Variants in CDC25C observed in about 807,000 individuals in gnomAD.
The protein encoded by CDC25C is M-phase inducer phosphatase 3.
Under a neutral mutation model 52.5 loss-of-function variants are expected in CDC25C, and 48 were observed. The ratio of observed to expected loss-of-function variants is 0.91; its 90% CI spans 0.72 to 1.16. The LOEUF (loss-of-function observed/expected upper bound fraction) is 1.16. Among genes scored for constraint, CDC25C ranks in the 50% most tolerant of loss-of-function variants. The probability of loss-of-function intolerance (pLI) is 0.00; values close to 1 mark genes in which losing one functional copy is unlikely to be tolerated. For missense variants in CDC25C, 510 were observed against 566.1 expected (o/e 0.90, Z 1.01); for synonymous variants, 187 against 206.5 (o/e 0.91, Z 0.81).
At chr5:138,290,988 G>A (rs1488050041) in intron 8 of CDC25C, among the ~76,000 whole-genome samples, 2 of 151,966 alleles carry the variant, frequency 1.3e-5, no homozygotes, top group Non-Finnish European at 2.9e-5. Context: ...AATAAATATT[G>A]AGGCTGCAGT....
intron 7 of CDC25C, among the ~76,000 whole-genome samples, chr5:138,317,682 T>TAAAAAAAAAAA (rs70982706): frequency 1.8e-5 from 1 of 54,264 alleles, no homozygotes; most frequent in African/African-American, 7.7e-5. Context: ...CCTGTCTATC[T>TAAAAAAAAAAA]AAAAAAAAAA....
At chr5:138,327,058 C>T (rs1265413283) in intron 4 of CDC25C, among the ~76,000 whole-genome samples, 1 of 151,044 alleles carries the variant, frequency 6.6e-6, no homozygotes, top group African/African-American at 2.4e-5. Flanking sequence ...AGATAGAGAC[C>T]GTCCTGGCCA....
intron 11 of CDC25C, 54 bp downstream of exon 11, chr5:138,287,115 C>T (rs1199649850): frequency 2.1e-5 from 26 of 1,224,942 alleles, no homozygotes; most frequent in Middle Eastern, 1.9e-4. Context: ...AGACTCTTCT[C>T]AATAAAGAGT....
rs925873042 is a variant in CDC25C at position 138,331,193 on chromosome 5, C to T, written c.-13G>A. 3 of 1,613,626 alleles carry T rather than the reference C, an allele frequency of 1.9e-6. No individual in the cohort carries two copies. Among genetic ancestry groups the T allele is most frequent in the Non-Finnish European group, 1.7e-6 (2 of 1,179,612 alleles). ...GTTCCGTAGACATGGTCTTCGAATT[C>T]TCACCAGGAGAAAAACAAAACCTAG... On this transcript the variant is annotated 5_prime_UTR_variant, in exon 2 of 14. Transcript: ENST00000323760.
At chr5:138,327,564 G>A (rs1168196446) in intron 4 of CDC25C, among the ~76,000 whole-genome samples, 1 of 151,810 alleles carries the variant, frequency 6.6e-6, no homozygotes, top group Non-Finnish European at 1.5e-5. Context: ...TGAACCCAGG[G>A]AGGCAGAGGT....
intron 9 of CDC25C, 92 bp downstream of exon 9, chr5:138,290,547 A>G (rs1756621277): frequency 1.3e-6 from 1 of 744,846 alleles, no homozygotes; most frequent in Admixed American, 1.9e-5. Flanking sequence ...CTTGGTGAGG[A>G]TGCATATTTA....
chr5:138,301,129 G>A (rs1419765874), intron 7 of CDC25C, among the ~76,000 whole-genome samples: 1 of 152,014 alleles, frequency 6.6e-6, no homozygotes, highest in Non-Finnish European at 1.5e-5. Flanking sequence ...CAATGGAATA[G>A]AAAACAGAAA....
chr5:138,319,455 TTAGA>T, intron 6 of CDC25C, 81 bp from the exon 7 acceptor site: 1 of 1,108,736 alleles, frequency 9.0e-7, no homozygotes, highest in South Asian at 2.0e-5. Flanking sequence ...TATAAAACTC[TTAGA>T]AGAAAAGATA....
At chr5:138,331,266 T>A in intron 1 of CDC25C, 48 bp from the exon 2 acceptor site, 5 of 1,250,676 alleles carry the variant, frequency 4.0e-6, no homozygotes, top group Non-Finnish European at 5.8e-6. Flanking sequence ...TTCCCTCAGC[T>A]TTCCTAAACT....
chr5:138,334,920 G>A (rs1760610980), upstream of CDC25C, among the ~76,000 whole-genome samples: 1 of 152,218 alleles, frequency 6.6e-6, no homozygotes, highest in Non-Finnish European at 1.5e-5. Context: ...GAGGTGGGAA[G>A]TTTGGTGTTT....
chr5:138,323,474 T>C (rs974101729), intron 6 of CDC25C, among the ~76,000 whole-genome samples: 7 of 151,716 alleles, frequency 4.6e-5, no homozygotes, highest in African/African-American at 1.5e-4. Context: ...ATTTCTTTTT[T>C]TTGGTTGGGG....
intron 7 of CDC25C, among the ~76,000 whole-genome samples, chr5:138,313,582 T>C (rs1758619402): frequency 6.6e-6 from 1 of 152,104 alleles, no homozygotes; most frequent in Non-Finnish European, 1.5e-5. Flanking sequence ...GCCACCTGTA[T>C]TTGTGTCCTA....
In CDC25C at chr5:138,286,045, T is replaced by C. The variant is rs374077858; in HGVS notation, c.1249A>G (p.Arg417Gly). 2.3e-5 allele frequency: 37 copies of C among 1,613,612 alleles called. No individual in the cohort carries two copies. In the Admixed American group the frequency reaches 5.7e-4, roughly 25 times the overall value. The change falls in exon 13 of 14, where the codon AGA becomes GGA. Residue 417 changes from arginine (R) to glycine (G), a missense_variant. Transcript: ENST00000323760. Reference sequence around the variant, plus strand: ...ACCATATATTCTGGAAAGAAGTCTCTGTAGCCGCCTTTAAGGATATATAGC... The same window carrying C: ...ACCATATATTCTGGAAAGAAGTCTCCGTAGCCGCCTTTAAGGATATATAGC... ...PELYILKGGYRDFFPEYMELC... is the reference protein window; with the variant it reads ...PELYILKGGYGDFFPEYMELC...
chr5:138,328,278 G>T (rs1278590695), intron 4 of CDC25C, among the ~76,000 whole-genome samples: 1 of 152,158 alleles, frequency 6.6e-6, no homozygotes, highest in Non-Finnish European at 1.5e-5. Context: ...TTCTGATTAT[G>T]ATGGTTAAAA....
chr5:138,324,632 C>A (rs1304244448), intron 6 of CDC25C, among the ~76,000 whole-genome samples: 1 of 151,896 alleles, frequency 6.6e-6, no homozygotes, highest in African/African-American at 2.4e-5. Flanking sequence ...GTGGCACGCA[C>A]CTGTAATCCC....
chr5:138,322,169 T>C (rs905071721), intron 6 of CDC25C, among the ~76,000 whole-genome samples: 3 of 151,340 alleles, frequency 2.0e-5, no homozygotes, highest in African/African-American at 7.3e-5. Flanking sequence ...GACTGGCTAA[T>C]TTTTTGTACT....
intron 7 of CDC25C, among the ~76,000 whole-genome samples, chr5:138,302,699 CAA>C (rs112207756): frequency 7.3e-6 from 1 of 136,700 alleles, no homozygotes; most frequent in African/African-American, 2.7e-5. Flanking sequence ...AACTCCATCT[CAA>C]AAAAAAAAAG....
chr5:138,288,143 T>C (rs1756407041), intron 10 of CDC25C, among the ~76,000 whole-genome samples: 1 of 152,136 alleles, frequency 6.6e-6, no homozygotes, highest in Admixed American at 6.5e-5. Flanking sequence ...TGGTGCCATC[T>C]TGGCTCACCG....
intron 7 of CDC25C, among the ~76,000 whole-genome samples, chr5:138,294,755 C>T (rs541444703): frequency 2.1e-4 from 32 of 152,196 alleles, no homozygotes; most frequent in African/African-American, 5.1e-4. Flanking sequence ...CTGCCCGCCT[C>T]GGCCCTCCAA....
Sources: allele counts gnomAD v4.1 joint callset (sites outside exome capture counted in the v4.1 genomes callset), GRCh38; gene constraint gnomAD v4.1.1; transcripts MANE v1.5; gene names NCBI Gene and HGNC (gene_info 2026-07-23, HGNC 2026-07-21).